The following ROCK2 variants were observed in gnomAD, a reference collection of about 807,000 sequenced individuals.
ROCK2 encodes the protein rho-associated protein kinase 2.
Under a neutral mutation model 195.1 loss-of-function variants are expected in ROCK2, and 61 were observed. The observed-to-expected ratio is 0.31, with a 90% CI of 0.25 to 0.39. ROCK2 has a LOEUF of 0.39. Among genes scored for constraint, ROCK2 ranks in the 10% least tolerant of loss-of-function variants. ROCK2 has a pLI of 1.00. For missense variants in ROCK2, 1,109 were observed against 1,637.4 expected, an observed-to-expected ratio of 0.68 and a Z score of 5.57; for synonymous variants, 504 against 545.5, an observed-to-expected ratio of 0.92 and a Z score of 1.06.
At chr2:11,291,228 A>G (rs1667353512) in intron 1 of ROCK2, among the ~76,000 whole-genome samples, 2 of 152,214 alleles carry the variant, frequency 1.3e-5, no homozygotes, top group Admixed American at 1.3e-4. Context: ...ACTTGATTTC[A>G]CTTTCACTGT....
intron 8 of ROCK2, 55 bp from the exon 9 acceptor site, chr2:11,221,412 T>C: frequency 7.9e-7 from 1 of 1,266,600 alleles, no homozygotes; most frequent in South Asian, 1.6e-5. Context: ...ATATAAACCA[T>C]CCTATTTTAT....
At chr2:11,241,340 C>T (rs1009409629) in intron 4 of ROCK2, among the ~76,000 whole-genome samples, 15 of 152,000 alleles carry the variant, frequency 9.9e-5, no homozygotes, top group African/African-American at 3.6e-4. Context: ...TATCAGTTAC[C>T]TATGGGACAA....
chr2:11,304,042 T>C (rs545277946), intron 1 of ROCK2, among the ~76,000 whole-genome samples: 7 of 152,308 alleles, frequency 4.6e-5, no homozygotes, highest in African/African-American at 1.4e-4. Context: ...CCTTTCTTAG[T>C]ATACTTTATT....
intron 3 of ROCK2, among the ~76,000 whole-genome samples, chr2:11,272,981 T>C (rs750156856): frequency 3.3e-5 from 5 of 149,346 alleles, no homozygotes; most frequent in Non-Finnish European, 7.4e-5. Context: ...ATGCCTATGG[T>C]ATCTACAAAG....
rs143256807 is a variant in ROCK2 at position 11,221,774 on chromosome 2, C to T, written c.1099+309G>A. ...ATAATTGTTGATTTATCAAGTCAAACGCATTTAAATTAAAGGATTGCATTC... is the reference window on the plus strand; with the variant it reads ...ATAATTGTTGATTTATCAAGTCAAATGCATTTAAATTAAAGGATTGCATTC... On this transcript the variant is annotated intron_variant, in intron 8 of 32. Coordinates refer to ENST00000315872, the MANE Select transcript of ROCK2 (RefSeq NM_004850.5). Among the ~76,000 whole-genome samples, 502 of 152,164 alleles carry T rather than the reference C, an allele frequency of 3.3e-3. 2 individuals are homozygous for T. The highest frequency in any genetic ancestry group is 0.011 in the African/African-American group (447 of 41,520).
chr2:11,269,466 G>A (rs1475072656), intron 3 of ROCK2, among the ~76,000 whole-genome samples: 1 of 150,694 alleles, frequency 6.6e-6, no homozygotes. Flanking sequence ...AGCCAAGACT[G>A]CACGACTGCA....
chr2:11,319,020 T>C (rs1668317981), intron 1 of ROCK2, among the ~76,000 whole-genome samples: 1 of 152,228 alleles, frequency 6.6e-6, no homozygotes, highest in Non-Finnish European at 1.5e-5. Flanking sequence ...TGTAGTATAG[T>C]TTGAAGTCAG....
intron 1 of ROCK2, among the ~76,000 whole-genome samples, chr2:11,317,230 T>C (rs1050929558): frequency 6.6e-6 from 1 of 151,794 alleles, no homozygotes; most frequent in African/African-American, 2.4e-5. Flanking sequence ...AATAATAAAT[T>C]TAGTCACTTT....
At chr2:11,266,640 T>A (rs923385344) in intron 3 of ROCK2, among the ~76,000 whole-genome samples, 2 of 152,184 alleles carry the variant, frequency 1.3e-5, no homozygotes, top group Non-Finnish European at 1.5e-5. Context: ...AACATACTCA[T>A]AAAGATGTGC....
chr2:11,247,930 G>T (rs1558324996), intron 4 of ROCK2, among the ~76,000 whole-genome samples: 1 of 152,098 alleles, frequency 6.6e-6, no homozygotes, highest in Admixed American at 6.5e-5. Flanking sequence ...GCTGAGGCAG[G>T]AGAATCGCTT....
chr2:11,198,883 C>CTTTT (rs34674935), intron 23 of ROCK2, 109 bp from the exon 24 acceptor site: 62 of 483,336 alleles, frequency 1.3e-4, no homozygotes, highest in Admixed American at 2.5e-4. Context: ...TCTTATTTTT[C>CTTTT]TTTTTTTTTT....
At chr2:11,280,990 AC>A (rs1245851558) in intron 3 of ROCK2, among the ~76,000 whole-genome samples, 1 of 152,176 alleles carries the variant, frequency 6.6e-6, no homozygotes, top group Non-Finnish European at 1.5e-5. Flanking sequence ...AAAATCCTCA[AC>A]AAAATATTAG....
chr2:11,240,014 T>C lies in ROCK2; in HGVS notation c.463-4052A>G, dbSNP rs369298562. Among the ~76,000 whole-genome samples the C allele has an allele frequency of 1.8e-4, 27 of 152,314 alleles. 1 individual carries two copies. Among genetic ancestry groups the C allele is most frequent in the African/African-American group, 6.3e-4 (26 of 41,564 alleles). ...GCTTCTCCACCCTGTCTGTGTAGAATAAAAGTGCATTTCTCTCCTGGCACC... is the reference window on the plus strand; with the variant it reads ...GCTTCTCCACCCTGTCTGTGTAGAACAAAAGTGCATTTCTCTCCTGGCACC... On this transcript the variant is annotated intron_variant, in intron 4 of 32. Coordinates refer to ENST00000315872, the MANE Select transcript of ROCK2 (RefSeq NM_004850.5).
rs1310491080 is a variant in ROCK2, at chr2:11,317,605, TATATATA to T, written c.141+26384_141+26390del. Among the ~76,000 whole-genome samples, 98 of 22,704 alleles carry T rather than the reference TATATATA, an allele frequency of 4.3e-3. 7 individuals carry two copies. Among genetic ancestry groups the T allele is most frequent in the African/African-American group, 9.7e-3 (66 of 6,830 alleles). 14.9% of individuals were successfully genotyped at this position (22,704 alleles called of 152,430 possible). A position where few individuals can be genotyped will look rare whatever the true frequency, so the allele number is the denominator to read the frequency against. ...ATATATATATATATATATATATATATATATATATTTTTTTTTTTTTTTAATTATACTT... is the reference window on the plus strand; with the variant it reads ...ATATATATATATATATATATATATATTTTTTTTTTTTTTTTAATTATACTT... On this transcript the variant is annotated intron_variant, in intron 1 of 32. Coordinates refer to ENST00000315872, the MANE Select transcript of ROCK2 (RefSeq NM_004850.5).
At chr2:11,329,340 G>T (rs1668645578) in intron 1 of ROCK2, among the ~76,000 whole-genome samples, 1 of 151,808 alleles carries the variant, frequency 6.6e-6, no homozygotes, top group Admixed American at 6.6e-5. Context: ...TGTAACTAGA[G>T]TCAAACTGAG....
In ROCK2 at chr2:11,221,569, T is replaced by C. The variant is rs185479816; in HGVS notation, c.1100-212A>G. Among the ~76,000 whole-genome samples the C allele has an allele frequency of 1.4e-3, 216 of 152,320 alleles. 1 individual carries two copies. Among genetic ancestry groups the C allele is most frequent in the Non-Finnish European group, 2.2e-3 (148 of 68,010 alleles). ...TAGATTAAACAAGGAAAGCAACATA[T>C]TATTCTAGTTGTTAAAAATTACAAG... On this transcript the variant is annotated intron_variant, in intron 8 of 32. Coordinates refer to ENST00000315872, the MANE Select transcript of ROCK2 (RefSeq NM_004850.5).
intron 4 of ROCK2, among the ~76,000 whole-genome samples, chr2:11,238,211 T>A (rs1224774694): frequency 7.6e-6 from 1 of 132,448 alleles, no homozygotes; most frequent in African/African-American, 2.8e-5. Context: ...TGAGAAAGAG[T>A]GTGTGTGTGT....
intron 3 of ROCK2, among the ~76,000 whole-genome samples, chr2:11,250,850 T>C (rs1332764817): frequency 1.3e-5 from 2 of 152,190 alleles, no homozygotes; most frequent in East Asian, 1.9e-4. Context: ...CTCTCTCTTA[T>C]CCACAGCCTA....
intron 1 of ROCK2, among the ~76,000 whole-genome samples, chr2:11,336,984 T>G (rs1420912516): frequency 6.6e-6 from 1 of 152,216 alleles, no homozygotes; most frequent in Non-Finnish European, 1.5e-5. Context: ...GGCTTGTGCC[T>G]GTAATCCCAG....
Sources: gnomAD v4.1 joint callset for allele counts (sites outside exome capture counted in the v4.1 genomes callset) on GRCh38, gnomAD v4.1.1 for gene constraint, MANE v1.5 for transcripts, NCBI Gene and HGNC (gene_info 2026-07-23, HGNC 2026-07-21) for gene names.